The following SOX5 variants were observed in gnomAD, a reference collection of about 807,000 sequenced individuals.
SOX5 encodes SRY-box transcription factor 5, also known as transcription factor SOX-5.
Under a neutral mutation model 92.0 loss-of-function variants are expected in SOX5, and 9 were observed. The ratio of observed to expected loss-of-function variants is 0.10; its 90% CI spans 0.06 to 0.17. The LOEUF (loss-of-function observed/expected upper bound fraction) is 0.17. SOX5 is among the 10% of genes least tolerant of loss of function. The probability of loss-of-function intolerance (pLI) is 1.00; values close to 1 mark genes in which losing one functional copy is unlikely to be tolerated. For missense variants in SOX5, 642 were observed against 944.5 expected (o/e 0.68, Z 4.20); for synonymous variants, 344 against 336.3 (o/e 1.02, Z -0.25).
At position 23,755,639 on chromosome 12, in the gene SOX5, T is replaced by C; in HGVS notation, c.567A>G (p.Lys189=). ...ATAAAAACAATCACACCATATTACCTTTTATTTCGCCAAAGTTCCCCGATC... is the reference window on the plus strand; with the variant it reads ...ATAAAAACAATCACACCATATTACCCTTTATTTCGCCAAAGTTCCCCGATC... ...AMGSGNFGEI[K]GTPESLAEKE... The change falls in exon 4 of 15, where the codon AAA becomes AAG. Residue 189 remains lysine (K), a splice_region_variant and synonymous_variant. Transcript: ENST00000451604. 1 of 1,586,616 alleles carries C rather than the reference T, an allele frequency of 6.3e-7. No individual in the cohort carries two copies. The highest frequency in any genetic ancestry group is 8.6e-7 in the Non-Finnish European group (1 of 1,166,560).
intron 3 of SOX5, among the ~76,000 whole-genome samples, chr12:24,274,035 A>T (rs1421767459): frequency 6.6e-6 from 1 of 152,200 alleles, no homozygotes; most frequent in Non-Finnish European, 1.5e-5. Flanking sequence ...TAAGATATTC[A>T]TTGACTTAGA....
At chr12:24,429,285 C>G (rs1279093371) in intron 1 of SOX5, among the ~76,000 whole-genome samples, 2 of 151,824 alleles carry the variant, frequency 1.3e-5, no homozygotes, top group African/African-American at 2.4e-5. Flanking sequence ...CCACTGCACT[C>G]CAGCCTGGGG....
rs182305506 is a variant in SOX5 at position 24,352,780 on chromosome 12, G to A, written c.-174+15783C>T. On this transcript the variant is annotated intron_variant, in intron 2 of 4. Coordinates refer to the SOX5 transcript ENST00000446891. ...GAACAAATGGGTGCCTTCCCTCTCT[G>A]TGGCCAGTCCTTCTCAAACAGCTGC... Among the ~76,000 whole-genome samples the A allele has an allele frequency of 2.6e-5, 4 of 152,220 alleles. No homozygotes were observed. The East Asian group carries it at 7.7e-4, about 29-fold the overall frequency.
intron 1 of SOX5, among the ~76,000 whole-genome samples, chr12:24,394,592 T>C (rs1959394504): frequency 6.6e-6 from 1 of 152,194 alleles, no homozygotes; most frequent in Non-Finnish European, 1.5e-5. Context: ...GGTATCTATC[T>C]TACTAAGGCA....
intron 11 of SOX5, among the ~76,000 whole-genome samples, chr12:23,556,520 A>AAC (rs1379343081): frequency 1.3e-5 from 2 of 152,192 alleles, no homozygotes; most frequent in East Asian, 3.8e-4. Flanking sequence ...ATTTTTTAAA[A>AAC]ACACACACAC....
At chr12:23,782,888 G>A (rs566367705) in intron 3 of SOX5, among the ~76,000 whole-genome samples, 2 of 152,048 alleles carry the variant, frequency 1.3e-5, no homozygotes, top group South Asian at 2.1e-4. Flanking sequence ...GTGTGTGTGC[G>A]GTGGTAAAAT....
At chr12:24,137,291 G>A (rs1458243079) in intron 4 of SOX5, among the ~76,000 whole-genome samples, 1 of 152,114 alleles carries the variant, frequency 6.6e-6, no homozygotes, top group Admixed American at 6.6e-5. Flanking sequence ...TACTGAGGAG[G>A]TACAAGGTTG....
chr12:24,155,683 A>G (rs553027031), intron 4 of SOX5, among the ~76,000 whole-genome samples: 8 of 152,310 alleles, frequency 5.3e-5, no homozygotes, highest in African/African-American at 1.9e-4. Flanking sequence ...TTCAAACACA[A>G]AAGATAAAGT....
chr12:24,109,049 T>C (rs1947019248), intron 4 of SOX5, among the ~76,000 whole-genome samples: 1 of 152,174 alleles, frequency 6.6e-6, no homozygotes, highest in South Asian at 2.1e-4. Context: ...GTAGCATATT[T>C]GAAACCTGCA....
intron 5 of SOX5, among the ~76,000 whole-genome samples, chr12:23,736,689 CTT>C (rs547312649): frequency 2.3e-4 from 30 of 132,582 alleles, no homozygotes; most frequent in East Asian, 4.3e-4. Flanking sequence ...TGTTCTTTCT[CTT>C]TTTTTTTTTT....
intron 2 of SOX5, among the ~76,000 whole-genome samples, chr12:23,858,693 G>T (rs556732923): frequency 4.5e-4 from 69 of 152,116 alleles, no homozygotes; most frequent in Non-Finnish European, 9.1e-4. Flanking sequence ...TCCTATTACT[G>T]AGTATATACC....
chr12:24,196,185 C>T (rs1318442608), intron 4 of SOX5, among the ~76,000 whole-genome samples: 2 of 152,162 alleles, frequency 1.3e-5, no homozygotes, highest in African/African-American at 2.4e-5. Context: ...ACGCCTGGCC[C>T]ATTAACTGTG....
intron 9 of SOX5, chr12:23,584,420 A>C: frequency 1.3e-6 from 1 of 770,452 alleles, no homozygotes; most frequent in Admixed American, 1.8e-5. Flanking sequence ...GGTTATACGC[A>C]GATAGGCCAT....
chr12:23,709,109 T>G (rs934323706), intron 6 of SOX5, among the ~76,000 whole-genome samples: 3 of 152,040 alleles, frequency 2.0e-5, no homozygotes, highest in Non-Finnish European at 2.9e-5. Context: ...TAAATTTTAT[T>G]TATTTATTTT....
intron 4 of SOX5, among the ~76,000 whole-genome samples, chr12:24,206,589 C>T (rs187825967): frequency 3.4e-4 from 51 of 152,216 alleles, no homozygotes; most frequent in African/African-American, 9.1e-4. Context: ...CCGCCTCCCC[C>T]CAAGAATCCT....
intron 4 of SOX5, among the ~76,000 whole-genome samples, chr12:24,197,819 A>G (rs1282330742): frequency 6.6e-6 from 1 of 152,196 alleles, no homozygotes; most frequent in Admixed American, 6.5e-5. Context: ...CCGCGTATCC[A>G]CTGTCACTCG....
chr12:23,843,762 C>A (rs887000667), intron 3 of SOX5, among the ~76,000 whole-genome samples: 5 of 151,802 alleles, frequency 3.3e-5, no homozygotes, highest in Admixed American at 2.6e-4. Context: ...CGGGGTTTCA[C>A]CATGTTGGCC....
At chr12:23,719,052 G>A (rs535218517) in intron 6 of SOX5, among the ~76,000 whole-genome samples, 1 of 152,260 alleles carries the variant, frequency 6.6e-6, no homozygotes, top group South Asian at 2.1e-4. Flanking sequence ...TTTGTTAGTT[G>A]CATGAATATT....
At position 24,376,689 on chromosome 12, in the gene SOX5, C is replaced by CT. The variant is rs1480014070; in HGVS notation, c.-250-8051_-250-8050insA. Among the ~76,000 whole-genome samples the CT allele has an allele frequency of 3.2e-3, 298 of 93,102 alleles. 23 individuals carry two copies. The highest frequency in any genetic ancestry group is 0.015 in the Middle Eastern group (2 of 132). 61.1% of individuals were successfully genotyped at this position (93,102 alleles called of 152,430 possible). A position where few individuals can be genotyped will look rare whatever the true frequency, so the allele number is the denominator to read the frequency against. On this transcript the variant is annotated intron_variant, in intron 1 of 4. Transcript: ENST00000446891. ...TCAGAATGATGCTATGGGAGAGATA[C>CT]CTTTTTTTTTTTTTTTTTTTTTTTT...
Sources: gnomAD v4.1 joint callset for allele counts (sites outside exome capture counted in the v4.1 genomes callset) on GRCh38, gnomAD v4.1.1 for gene constraint, MANE v1.5 for transcripts, NCBI Gene and HGNC (gene_info 2026-07-23, HGNC 2026-07-21) for gene names.